The following MICOS10 variants were observed in gnomAD, a reference collection of about 807,000 sequenced individuals.
The protein encoded by MICOS10 is MICOS complex subunit MIC10.
In MICOS10, 5 loss-of-function variants were observed where a neutral mutation model predicts 13.4. The observed-to-expected ratio is 0.37, with a 90% CI of 0.20 to 0.78. The LOEUF (loss-of-function observed/expected upper bound fraction) is 0.78. MICOS10 is among the 30% of genes least tolerant of loss of function. MICOS10 has a pLI of 0.47. For synonymous variants in MICOS10, 35 were observed against 33.6 expected (o/e 1.04, Z -0.15); for missense variants, 101 against 94.6 (o/e 1.07, Z -0.28).
At chr1:19,605,453 C>CT (rs1414454970) in intron 1 of MICOS10, among the ~76,000 whole-genome samples, 6 of 152,114 alleles carry the variant, frequency 3.9e-5, no homozygotes, top group African/African-American at 1.4e-4. Flanking sequence ...CACCAATTTA[C>CT]TTTTTGTCTC....
intron 1 of MICOS10, among the ~76,000 whole-genome samples, chr1:19,605,388 T>C (rs1463382324): frequency 6.6e-6 from 1 of 152,182 alleles, no homozygotes; most frequent in African/African-American, 2.4e-5. Context: ...AAAGAAACAC[T>C]GGATGCAGCT....
rs1395750226 is a variant in MICOS10 at position 19,623,545 on chromosome 1, T to C, written c.184T>C (p.Phe62Leu). ...GMAYSNCQHD[F>L]QAPYLLHGKY... is the part of the protein sequence containing the mutation. The stretch of plus-strand genomic sequence containing the variant: ...GGCTTATTCCAACTGTCAGCATGAT[T>C]TCCAGGCTCCATATCTTCTACATGG... Residue 62 changes from phenylalanine to leucine, a missense_variant, in exon 3 of 4, where the codon TTC (phenylalanine) becomes CTC (leucine). Phe to Leu is a conservative substitution (Grantham distance 22, BLOSUM62 0). Transcript: ENST00000322753. 2 of 1,613,388 alleles carry C rather than the reference T, an allele frequency of 1.2e-6. No homozygotes were observed. The highest frequency in any genetic ancestry group is 1.7e-6 in the Non-Finnish European group (2 of 1,179,556).
rs138650833 is a variant in MICOS10 at position 19,606,641 on chromosome 1, G to A, written c.64+9532G>A. On this transcript the variant is annotated intron_variant, in intron 1 of 3. Transcript: ENST00000322753. ...CATGCCTGTAATCCCAGCTACTCAGGAGGCTGAGGCAGGAGAATCACTTGA... is the reference window on the plus strand; with the variant it reads ...CATGCCTGTAATCCCAGCTACTCAGAAGGCTGAGGCAGGAGAATCACTTGA... Among the ~76,000 whole-genome samples, 96 of 152,204 alleles carry A rather than the reference G, an allele frequency of 6.3e-4. No individual in the cohort carries two copies. The East Asian group carries it at 0.015, about 23-fold the overall frequency.
intron 3 of MICOS10, among the ~76,000 whole-genome samples, chr1:19,624,257 C>T (rs1343728363): frequency 1.3e-5 from 2 of 151,958 alleles, no homozygotes; most frequent in African/African-American, 2.4e-5. Flanking sequence ...TACTGAAGTC[C>T]TGTCTTCAGG....
chr1:19,620,182 T>C lies in MICOS10; in HGVS notation c.65-1918T>C, dbSNP rs75468773. ...AGAGAAAACTCTTCTCTTTTCCATGTTGGTTTGTTTTTATTGTAAGACAAA... is the reference window on the plus strand; with the variant it reads ...AGAGAAAACTCTTCTCTTTTCCATGCTGGTTTGTTTTTATTGTAAGACAAA... On this transcript the variant is annotated intron_variant, in intron 1 of 3. Transcript: ENST00000322753. Among the ~76,000 whole-genome samples the C allele has an allele frequency of 3.7e-4, 56 of 152,392 alleles. No homozygotes were observed. The East Asian group carries it at 0.01, about 27-fold the overall frequency.
chr1:19,614,720 C>G (rs746886937), intron 1 of MICOS10: 2 of 152,220 alleles, frequency 1.3e-5, no homozygotes, highest in Non-Finnish European at 2.9e-5. Context: ...CTTCCTAGAG[C>G]AGAGCTTCAG....
At chr1:19,607,504 C>A (rs946711396) in intron 1 of MICOS10, among the ~76,000 whole-genome samples, 16 of 152,136 alleles carry the variant, frequency 1.1e-4, no homozygotes, top group South Asian at 4.1e-4. Context: ...TGGCCACTGA[C>A]CCACTAGTGA....
intron 1 of MICOS10, among the ~76,000 whole-genome samples, chr1:19,611,560 ACCT>A: frequency 7.1e-6 from 1 of 140,872 alleles, no homozygotes; most frequent in Non-Finnish European, 1.5e-5. Context: ...TGCAGCCTTG[ACCT>A]CCTGGACTCC....
At chr1:19,604,535 G>T (rs2745221) in intron 1 of MICOS10, among the ~76,000 whole-genome samples, 16,639 of 152,112 alleles carry the variant, frequency 0.11, 3,080 homozygotes, top group African/African-American at 0.38. Context: ...ACTGGAGGCT[G>T]TCGCTGAAGA....
rs1404310884 is a variant in MICOS10 at position 19,608,038 on chromosome 1, A to G, written c.64+10929A>G. 33 of 720,098 alleles carry G rather than the reference A, an allele frequency of 4.6e-5. No homozygotes were observed. The East Asian group carries it at 7.7e-4, about 17-fold the overall frequency. The allele number at this position is 720,098 out of a possible 1,614,324, so 44.6% of individuals were successfully genotyped here. On this transcript the variant is annotated intron_variant, in intron 1 of 3. Coordinates refer to ENST00000322753, the MANE Select transcript of MICOS10 (RefSeq NM_001032363.4). ...AATGAGCCTCGCTTAAAAGGGTCGT[A>G]GACCTAAATATAAAAGCTAAAACTA...
chr1:19,603,286 T>C (rs2094822743), intron 1 of MICOS10, among the ~76,000 whole-genome samples: 2 of 152,152 alleles, frequency 1.3e-5, no homozygotes, highest in African/African-American at 4.8e-5. Context: ...GCCAATATCC[T>C]GCCATTGCAC....
intron 1 of MICOS10, chr1:19,608,610 A>G: frequency 1.4e-6 from 1 of 728,652 alleles, no homozygotes; most frequent in Non-Finnish European, 2.4e-6. Flanking sequence ...AATTGCCTTC[A>G]TGTAAAAAAT....
At chr1:19,612,538 C>T (rs761705921) in intron 1 of MICOS10, among the ~76,000 whole-genome samples, 11 of 151,486 alleles carry the variant, frequency 7.3e-5, no homozygotes, top group African/African-American at 2.4e-4. Context: ...GCCTGGCCAA[C>T]GTGGTGGAAC....
chr1:19,620,576 T>C (rs954581209), intron 1 of MICOS10, among the ~76,000 whole-genome samples: 4 of 152,224 alleles, frequency 2.6e-5, no homozygotes, highest in Non-Finnish European at 5.9e-5. Context: ...ACTAAGACCA[T>C]AGAGCACATT....
chr1:19,626,290 G>A, intron 3 of MICOS10, 97 bp from the exon 4 acceptor site: 1 of 1,435,228 alleles, frequency 7.0e-7, no homozygotes, highest in South Asian at 1.2e-5. Flanking sequence ...ATAAGGTTTT[G>A]GCTTCTGGCC....
intron 1 of MICOS10, among the ~76,000 whole-genome samples, chr1:19,616,464 G>A (rs1462394613): frequency 6.6e-6 from 1 of 152,136 alleles, no homozygotes; most frequent in Non-Finnish European, 1.5e-5. Flanking sequence ...TGTATCTCCA[G>A]CCAGTGCACA....
At chr1:19,600,908 ATAATTTCATAC>A in intron 1 of MICOS10, 1 of 1,289,308 alleles carries the variant, frequency 7.8e-7, no homozygotes, top group Non-Finnish European at 1.0e-6. Context: ...GTCCATCTTG[ATAATTTCATAC>A]TCTGGCTTGG....
rs1264446193 is a variant in MICOS10, at chr1:19,601,576, C to CAA, written c.64+4481_64+4482dup. On this transcript the variant is annotated intron_variant, in intron 1 of 3. Coordinates refer to ENST00000322753, the MANE Select transcript of MICOS10 (RefSeq NM_001032363.4). ...CAGACGACAGAGCAAGACCCTTTCT[C>CAA]AAAAAAAAAAAAAAAGAAAAGAAAA... Among the ~76,000 whole-genome samples, 617 of 91,354 alleles carry CAA rather than the reference C, an allele frequency of 6.8e-3. 1 individual carries two copies. Among genetic ancestry groups the CAA allele is most frequent in the African/African-American group, 0.019 (441 of 23,532 alleles). 59.9% of individuals were successfully genotyped at this position (91,354 alleles called of 152,430 possible).
rs2094922318 is a variant in MICOS10 at position 19,626,419 on chromosome 1, C to G, written c.*18C>G. ...AGCAGTGACTTCACCTGAGAACATC[C>G]CAGCGGGAGGACAAGAGAAATCATG... On this transcript the variant is annotated 3_prime_UTR_variant, in exon 4 of 4. Coordinates refer to ENST00000322753, the MANE Select transcript of MICOS10 (RefSeq NM_001032363.4). 1 of 1,613,620 alleles carries G rather than the reference C, an allele frequency of 6.2e-7. No homozygotes were observed. The highest frequency in any genetic ancestry group is 2.2e-5 in the East Asian group (1 of 44,896).
Sources: gnomAD v4.1 joint callset for allele counts (sites outside exome capture counted in the v4.1 genomes callset) on GRCh38, gnomAD v4.1.1 for gene constraint, MANE v1.5 for transcripts, NCBI Gene and HGNC (gene_info 2026-07-23, HGNC 2026-07-21) for gene names.